ATP2B2: variants seen among roughly 807,000 people sequenced by gnomAD.
ATP2B2 encodes the protein ATPase plasma membrane Ca2+ transporting 2.
ATP2B2 carries 15 observed loss-of-function variants against 120.0 expected under a neutral mutation model. The ratio of observed to expected loss-of-function variants is 0.12; its 90% CI spans 0.08 to 0.19. The LOEUF is 0.19. Ranked by LOEUF, ATP2B2 falls within the 10% of genes least tolerant of loss-of-function variation. ATP2B2 has a pLI of 1.00. For missense variants in ATP2B2, 1,045 were observed against 1,719.8 expected (o/e 0.61, Z 6.94); for synonymous variants, 694 against 700.3 (o/e 0.99, Z 0.14).
chr3:10,648,373 C>A (rs893296423), intron 1 of ATP2B2, among the ~76,000 whole-genome samples: 1 of 152,178 alleles, frequency 6.6e-6, no homozygotes, highest in Admixed American at 6.5e-5. Context: ...CTTTCTCTGT[C>A]CCCTTTGTGG....
At chr3:10,678,779 A>G (rs887945141) in intron 1 of ATP2B2, among the ~76,000 whole-genome samples, 4 of 152,208 alleles carry the variant, frequency 2.6e-5, no homozygotes, top group Admixed American at 1.3e-4. Flanking sequence ...GTAGAATTCT[A>G]AATCATCCCC....
chr3:10,374,541 A>G (rs3774170), intron 11 of ATP2B2, among the ~76,000 whole-genome samples: 21,055 of 152,212 alleles, frequency 0.14, 1,860 homozygotes, highest in East Asian at 0.26. Context: ...CCACGCCTCC[A>G]CCCTTGCAGG....
chr3:10,501,421 A>G (rs1575422309), intron 1 of ATP2B2, among the ~76,000 whole-genome samples: 2 of 144,854 alleles, frequency 1.4e-5, no homozygotes, highest in Admixed American at 1.4e-4. Flanking sequence ...TCCAGGCTGG[A>G]GTGCAGTGGC....
intron 2 of ATP2B2, among the ~76,000 whole-genome samples, chr3:10,576,203 G>A (rs565004661): frequency 6.6e-6 from 1 of 152,290 alleles, no homozygotes; most frequent in East Asian, 1.9e-4. Context: ...GGATGGACCT[G>A]GCACCAGAAA....
rs906156350 is a variant in ATP2B2 at position 10,327,695 on chromosome 3, C to T, written c.*1119G>A. On this transcript the variant is annotated 3_prime_UTR_variant, in exon 23 of 23. Transcript: ENST00000360273. ...GTCTTCGAGCAGTGCTTTGCAGATCCTGGCATCCTTGGGCCGGATGGCCGT... is the reference window on the plus strand; with the variant it reads ...GTCTTCGAGCAGTGCTTTGCAGATCTTGGCATCCTTGGGCCGGATGGCCGT... 2.6e-5 allele frequency: 4 copies of T among 152,702 alleles called. No individual in the cohort carries two copies. Among genetic ancestry groups the T allele is most frequent in the African/African-American group, 9.6e-5 (4 of 41,470 alleles). The allele number at this position is 152,702 out of a possible 1,614,324, so 9.5% of individuals were successfully genotyped here.
At chr3:10,679,609 A>C (rs1418994668) in intron 1 of ATP2B2, among the ~76,000 whole-genome samples, 3 of 152,198 alleles carry the variant, frequency 2.0e-5, no homozygotes, top group Non-Finnish European at 2.9e-5. Context: ...GCCCATTTGC[A>C]CAGGGAGATG....
chr3:10,437,694 G>T (rs2063522163), intron 2 of ATP2B2, among the ~76,000 whole-genome samples: 1 of 152,128 alleles, frequency 6.6e-6, no homozygotes, highest in South Asian at 2.1e-4. Context: ...GAGTGTTCTG[G>T]GCTGAATCAT....
At position 10,355,938 on chromosome 3, in the gene ATP2B2, G is replaced by GT. The variant is rs1224470422; in HGVS notation, c.2136+2752_2136+2753insA. Among the ~76,000 whole-genome samples, 32 of 77,080 alleles carry GT rather than the reference G, an allele frequency of 4.2e-4. 14 individuals are homozygous for GT. Among genetic ancestry groups the GT allele is most frequent in the East Asian group, 0.045 (2 of 44 alleles). The allele number at this position is 77,080 out of a possible 152,430, so 50.6% of individuals were successfully genotyped here. ...AAAATACAAAAAATTAGCCGGGCGT[G>GT]GTAGCGGGCGCCTGTAGTCCCAGCT... On this transcript the variant is annotated intron_variant, in intron 14 of 22. Coordinates refer to ENST00000360273, the MANE Select transcript of ATP2B2 (RefSeq NM_001001331.4).
At chr3:10,655,742 C>T (rs1646537014) in intron 1 of ATP2B2, among the ~76,000 whole-genome samples, 1 of 152,192 alleles carries the variant, frequency 6.6e-6, no homozygotes, top group African/African-American at 2.4e-5. Flanking sequence ...TCTATTTCTT[C>T]CTACTAAGAG....
chr3:10,545,367 A>G (rs934829453), intron 2 of ATP2B2, among the ~76,000 whole-genome samples: 1 of 152,022 alleles, frequency 6.6e-6, no homozygotes, highest in Admixed American at 6.6e-5. Flanking sequence ...CCGTCTCTAC[A>G]AAAATACAAA....
At chr3:10,540,833 C>T (rs1470653408) in intron 2 of ATP2B2, among the ~76,000 whole-genome samples, 1 of 150,614 alleles carries the variant, frequency 6.6e-6, no homozygotes, top group Admixed American at 6.6e-5. Flanking sequence ...CAAACCTTCA[C>T]GTTGTGCACA....
chr3:10,614,024 A>G (rs1459000174), intron 2 of ATP2B2, among the ~76,000 whole-genome samples: 1 of 151,888 alleles, frequency 6.6e-6, no homozygotes, highest in Non-Finnish European at 1.5e-5. Flanking sequence ...TCCAGCCTGA[A>G]AGGTCACCTC....
intron 3 of ATP2B2, among the ~76,000 whole-genome samples, chr3:10,404,183 C>T (rs1398206928): frequency 6.6e-6 from 1 of 152,168 alleles, no homozygotes; most frequent in Admixed American, 6.5e-5. Context: ...CAGCTGCATG[C>T]ACCCCTGGAA....
chr3:10,606,998 G>C (rs201207782), intron 2 of ATP2B2, among the ~76,000 whole-genome samples: 20 of 4,878 alleles, frequency 4.1e-3, no homozygotes, highest in South Asian at 0.014. Context: ...GAGAGAGAGA[G>C]ACAGAGAGAG....
At position 10,326,676 on chromosome 3, in the gene ATP2B2, A is replaced by G; in HGVS notation, c.*2138T>C. On this transcript the variant is annotated 3_prime_UTR_variant, in exon 23 of 23. Coordinates refer to ENST00000360273, the MANE Select transcript of ATP2B2 (RefSeq NM_001001331.4). ...CTGAGGGCTGGTCACCCCTTTGGTT[A>G]TGCAGTTCCTCTCCTGGATACATTC... 1 of 399,048 alleles carries G rather than the reference A, an allele frequency of 2.5e-6. No individual in the cohort carries two copies. 24.7% of individuals were successfully genotyped at this position (399,048 alleles called of 1,614,324 possible). A position where few individuals can be genotyped will look rare whatever the true frequency, so the allele number is the denominator to read the frequency against.
Position 10,326,946 on chromosome 3 carries a change from G to A in ATP2B2, c.*1868C>T. On this transcript the variant is annotated 3_prime_UTR_variant, in exon 23 of 23. Transcript: ENST00000360273. ...GGCTGACACAGCCATCGTGAGGAGG[G>A]TCAGCATGAGGAATGGATTTTGCAA... The A allele has an allele frequency of 2.5e-6, 1 of 398,704 alleles. No individual in the cohort carries two copies. The allele number at this position is 398,704 out of a possible 1,614,324, so 24.7% of individuals were successfully genotyped here.
intron 3 of ATP2B2, among the ~76,000 whole-genome samples, chr3:10,528,767 C>A (rs185742406): frequency 6.6e-6 from 1 of 152,226 alleles, no homozygotes; most frequent in African/African-American, 2.4e-5. Context: ...GTCAACCTAG[C>A]GACTTCCTTC....
At chr3:10,574,756 A>T (rs1351651152) in intron 2 of ATP2B2, among the ~76,000 whole-genome samples, 2 of 152,214 alleles carry the variant, frequency 1.3e-5, no homozygotes, top group Non-Finnish European at 2.9e-5. Context: ...CAAAGCTTAC[A>T]ATATTAATTT....
chr3:10,574,146 C>T (rs2068190848), intron 2 of ATP2B2, among the ~76,000 whole-genome samples: 1 of 152,190 alleles, frequency 6.6e-6, no homozygotes, highest in Non-Finnish European at 1.5e-5. Flanking sequence ...TTATCTTCTG[C>T]TTTCTGCTTT....
Sources: gnomAD v4.1 joint callset for allele counts (sites outside exome capture counted in the v4.1 genomes callset) on GRCh38, gnomAD v4.1.1 for gene constraint, MANE v1.5 for transcripts, NCBI Gene and HGNC (gene_info 2026-07-23, HGNC 2026-07-21) for gene names.